PCDHA2: variants seen among roughly 807,000 people sequenced by gnomAD.
PCDHA2 encodes protocadherin alpha-2.
A neutral mutation model predicts 66.0 loss-of-function variants in PCDHA2; 58 were observed. That is an observed-to-expected ratio of 0.88 (90% CI 0.71 to 1.09). The LOEUF (loss-of-function observed/expected upper bound fraction) is 1.09, where lower values mean the gene tolerates loss of function less well. Among genes scored for constraint, PCDHA2 ranks in the 50% least tolerant of loss-of-function variants. The pLI is 0.00. For synonymous variants in PCDHA2, 634 were observed against 554.0 expected (o/e 1.14, Z -2.03); for missense variants, 1,267 against 1,242.3 (o/e 1.02, Z -0.30).
rs782248969 is a variant in PCDHA2 at position 140,927,466 on chromosome 5, G to A, written c.2389-51483G>A. 67 of 1,614,044 alleles carry A rather than the reference G, an allele frequency of 4.2e-5. No homozygotes were observed. Among genetic ancestry groups the A allele is most frequent in the Non-Finnish European group, 5.4e-5 (64 of 1,180,052 alleles). Reference sequence around the variant, plus strand: ...GGAGTTGGTGTTGGAGAAAGCACTGGATCGCGAACAGCGCGCCACCCACCT... The same window carrying A: ...GGAGTTGGTGTTGGAGAAAGCACTGAATCGCGAACAGCGCGCCACCCACCT... On this transcript the variant is annotated intron_variant, in intron 1 of 3. Coordinates refer to ENST00000526136, the MANE Select transcript of PCDHA2 (RefSeq NM_018905.3).
intron 3 of PCDHA2, among the ~76,000 whole-genome samples, chr5:140,987,213 CA>C (rs58319157): frequency 0.029 from 3,412 of 118,662 alleles, 64 homozygotes; most frequent in African/African-American, 0.058. Flanking sequence ...GACTCCATCT[CA>C]AAAAAAAAAA....
At chr5:140,899,795 G>A (rs551068307) in intron 1 of PCDHA2, among the ~76,000 whole-genome samples, 59 of 152,222 alleles carry the variant, frequency 3.9e-4, no homozygotes, top group Non-Finnish European at 7.5e-4. Flanking sequence ...ATTCGGCTGT[G>A]AATCCAATAT....
In PCDHA2 at chr5:140,853,931, G is replaced by T. The variant is rs2042911351; in HGVS notation, c.2388+56579G>T. The T allele has an allele frequency of 3.5e-6, 3 of 868,826 alleles. No homozygotes were observed. The South Asian group carries it at 1.6e-4, about 45-fold the overall frequency. The allele number at this position is 868,826 out of a possible 1,614,324, so 53.8% of individuals were successfully genotyped here. A position where few individuals can be genotyped will look rare whatever the true frequency, so the allele number is the denominator to read the frequency against. ...CACCTGCAATCCCAACATTTTGGGA[G>T]GCCAAGGTGGGAGGGTCCCTTCCTT... On this transcript the variant is annotated intron_variant, in intron 1 of 3. Coordinates refer to ENST00000526136, the MANE Select transcript of PCDHA2 (RefSeq NM_018905.3).
intron 1 of PCDHA2, chr5:140,801,927 A>T (rs374257547): frequency 6.2e-7 from 1 of 1,614,214 alleles, no homozygotes; most frequent in South Asian, 1.1e-5. Flanking sequence ...AGCGTTTGAG[A>T]GGACGATCTA....
chr5:140,966,710 G>A, intron 1 of PCDHA2: 1 of 1,391,664 alleles, frequency 7.2e-7, no homozygotes, highest in Non-Finnish European at 9.3e-7. Flanking sequence ...GTGGGGCACG[G>A]CTGGGGAAGC....
At chr5:140,834,489 C>T (rs141682483) in intron 1 of PCDHA2, 4 of 1,614,000 alleles carry the variant, frequency 2.5e-6, no homozygotes, top group Admixed American at 1.7e-5. Context: ...CTACTCGGTC[C>T]CCGAGGAGGC....
At chr5:140,906,487 CA>C (rs1346198597) in intron 1 of PCDHA2, among the ~76,000 whole-genome samples, 1 of 152,180 alleles carries the variant, frequency 6.6e-6, no homozygotes, top group Non-Finnish European at 1.5e-5. Context: ...TATAAATGCA[CA>C]AACATGTTTT....
At position 141,009,660 on chromosome 5, in the gene PCDHA2, G is replaced by C; in HGVS notation, c.2570G>C (p.Gly857Ala). 7 of 1,614,084 alleles carry C rather than the reference G, an allele frequency of 4.3e-6. No homozygotes were observed. Among genetic ancestry groups the C allele is most frequent in the Non-Finnish European group, 5.9e-6 (7 of 1,180,030 alleles). Residue 857 changes from glycine (G) to alanine (A), a missense_variant, in exon 4 of 4, where the codon GGT becomes GCT. Physicochemically the swap from Gly to Ala is moderately conservative, Grantham distance 60 (BLOSUM62 0). Coordinates refer to ENST00000526136, the MANE Select transcript of PCDHA2 (RefSeq NM_018905.3). ...PEAGEVSPPV[G>A]AGVNSNSWTF... ...GCAGGAGAAGTGTCCCCTCCAGTCGGTGCGGGTGTCAACAGCAACAGCTGG... is the reference window on the plus strand; with the variant it reads ...GCAGGAGAAGTGTCCCCTCCAGTCGCTGCGGGTGTCAACAGCAACAGCTGG...
intron 1 of PCDHA2, chr5:140,843,383 G>A (rs1778840554): frequency 6.3e-7 from 1 of 1,596,120 alleles, no homozygotes; most frequent in South Asian, 1.1e-5. Context: ...TGGCGTTTTG[G>A]GTCCGGAAGC....
intron 3 of PCDHA2, among the ~76,000 whole-genome samples, chr5:140,986,380 G>T (rs1554247980): frequency 6.6e-6 from 1 of 152,130 alleles, no homozygotes; most frequent in African/African-American, 2.4e-5. Flanking sequence ...TGGGGGGAGG[G>T]ACATTAAAGG....
At chr5:140,870,077 G>T (rs2051636689) in intron 1 of PCDHA2, 1 of 1,613,688 alleles carries the variant, frequency 6.2e-7, no homozygotes, top group African/African-American at 1.3e-5. Context: ...ACAGATAAGG[G>T]GACTCCCCCA....
At chr5:140,843,559 G>A in intron 1 of PCDHA2, 1 of 1,595,950 alleles carries the variant, frequency 6.3e-7, no homozygotes, top group Non-Finnish European at 8.6e-7. Flanking sequence ...GTGCGGTGGG[G>A]AGCTGGTCAT....
intron 1 of PCDHA2, chr5:140,883,596 T>C: frequency 1.2e-6 from 2 of 1,613,794 alleles, no homozygotes; most frequent in East Asian, 4.5e-5. Context: ...AGCGTGTCGG[T>C]GGGGGTGGCC....
chr5:140,830,272 C>T (rs2150183943), intron 1 of PCDHA2: 3 of 1,613,840 alleles, frequency 1.9e-6, no homozygotes, highest in African/African-American at 2.7e-5. Flanking sequence ...CGGCGCCACC[C>T]ACCGAGGGCG....
At chr5:140,824,520 T>G in intron 1 of PCDHA2, 2 of 214,438 alleles carry the variant, frequency 9.3e-6, no homozygotes, top group East Asian at 1.2e-4. Flanking sequence ...GATCTGATCA[T>G]AGCTCACCGA....
chr5:140,928,795 G>T, intron 1 of PCDHA2: 1 of 1,614,152 alleles, frequency 6.2e-7, no homozygotes, highest in South Asian at 1.1e-5. Flanking sequence ...GCAGAGGGTG[G>T]TGGTAGTGGT....
chr5:140,905,019 A>C (rs1000367022), intron 1 of PCDHA2, among the ~76,000 whole-genome samples: 23 of 152,044 alleles, frequency 1.5e-4, no homozygotes, highest in African/African-American at 5.6e-4. Context: ...ATTCTTTTCT[A>C]TGCAGAAGCT....
chr5:140,884,798 A>C, intron 1 of PCDHA2: 3 of 1,275,332 alleles, frequency 2.4e-6, no homozygotes, highest in Non-Finnish European at 3.2e-6. Flanking sequence ...TATCGAATTT[A>C]ACAACTCTGC....
At position 140,852,588 on chromosome 5, in the gene PCDHA2, T is replaced by G. The variant is rs2150519378; in HGVS notation, c.2388+55236T>G. 150 of 881,406 alleles carry G rather than the reference T, an allele frequency of 1.7e-4. 16 individuals are homozygous for G. The highest frequency in any genetic ancestry group is 2.0e-4 in the Non-Finnish European group (145 of 723,694). 54.6% of individuals were successfully genotyped at this position (881,406 alleles called of 1,614,324 possible). A position where few individuals can be genotyped will look rare whatever the true frequency, so the allele number is the denominator to read the frequency against. On this transcript the variant is annotated intron_variant, in intron 1 of 3. Transcript: ENST00000526136. ...ACTGTGCCAAGGCTTTTTTATTTTT[T>G]TTTTTTGTCATTTTCTTTCAAAACT...
Sources: gnomAD v4.1 joint callset for allele counts (sites outside exome capture counted in the v4.1 genomes callset) on GRCh38, gnomAD v4.1.1 for gene constraint, MANE v1.5 for transcripts, NCBI Gene and HGNC (gene_info 2026-07-23, HGNC 2026-07-21) for gene names.